Variants in CTNNAL1 observed in about 807,000 individuals in gnomAD.
CTNNAL1 encodes alpha-catulin.
Under a neutral mutation model 93.6 loss-of-function variants are expected in CTNNAL1, and 69 were observed. The observed-to-expected ratio is 0.74, with a 90% CI of 0.61 to 0.90. The LOEUF (loss-of-function observed/expected upper bound fraction) is 0.90, where lower values mean the gene tolerates loss of function less well. Among genes scored for constraint, CTNNAL1 ranks in the 40% least tolerant of loss-of-function variants. CTNNAL1 has a pLI of 0.00. For missense variants in CTNNAL1, 836 were observed against 862.0 expected (o/e 0.97, Z 0.38); for synonymous variants, 286 against 305.4 (o/e 0.94, Z 0.66).
chr9:108,989,288 A>G (rs775766974), intron 4 of CTNNAL1, among the ~76,000 whole-genome samples: 3 of 152,220 alleles, frequency 2.0e-5, no homozygotes, highest in Admixed American at 6.5e-5. Flanking sequence ...AAAATGCTAG[A>G]TTATAAGCTA....
chr9:108,972,864 G>GGGGC, intron 8 of CTNNAL1, 31 bp from the exon 9 acceptor site: 1 of 142,584 alleles, frequency 7.0e-6, no homozygotes, highest in Non-Finnish European at 1.0e-5. Context: ...GGGGGGGTGG[G>GGGGC]AGGGTGGAGA....
intron 4 of CTNNAL1, among the ~76,000 whole-genome samples, chr9:108,984,760 C>T (rs1831551992): frequency 6.6e-6 from 1 of 152,180 alleles, no homozygotes; most frequent in Admixed American, 6.5e-5. Context: ...GCGTCCTAAC[C>T]AGAAACACCC....
At chr9:108,982,371 T>C (rs1831458356) in intron 6 of CTNNAL1, among the ~76,000 whole-genome samples, 1 of 152,210 alleles carries the variant, frequency 6.6e-6, no homozygotes, top group South Asian at 2.1e-4. Flanking sequence ...ACTGTTAGTG[T>C]GTATTACTGT....
chr9:108,955,411 T>C (rs578028557), intron 12 of CTNNAL1, among the ~76,000 whole-genome samples: 1 of 152,340 alleles, frequency 6.6e-6, no homozygotes, highest in Non-Finnish European at 1.5e-5. Context: ...AGAAAGCATA[T>C]GAAAGTCCTT....
chr9:108,963,689 CTGGGCTGATGTCA>C (rs1830878597), intron 11 of CTNNAL1: 1 of 152,322 alleles, frequency 6.6e-6, no homozygotes, highest in Non-Finnish European at 1.5e-5. Flanking sequence ...AGCCTCCCTA[CTGGGCTGATGTCA>C]TGGGCTGATG....
intron 15 of CTNNAL1, among the ~76,000 whole-genome samples, chr9:108,947,164 A>C (rs1830430976): frequency 7.0e-6 from 1 of 142,674 alleles, no homozygotes. Context: ...CCCAGACTGG[A>C]GTGCAGTGGC....
At chr9:109,004,240 A>G (rs1826943947) in intron 1 of CTNNAL1, among the ~76,000 whole-genome samples, 1 of 152,196 alleles carries the variant, frequency 6.6e-6, no homozygotes, top group Non-Finnish European at 1.5e-5. Flanking sequence ...AGAGTCAGAC[A>G]TTTCAATTCT....
intron 8 of CTNNAL1, among the ~76,000 whole-genome samples, chr9:108,976,623 G>T (rs1175751763): frequency 1.3e-5 from 2 of 151,860 alleles, no homozygotes; most frequent in Non-Finnish European, 2.9e-5. Flanking sequence ...CTTGAGCCCT[G>T]GGGATCAGGT....
At chr9:109,000,679 A>G (rs1008453339) in intron 1 of CTNNAL1, among the ~76,000 whole-genome samples, 1 of 151,380 alleles carries the variant, frequency 6.6e-6, no homozygotes, top group Admixed American at 6.6e-5. Context: ...GATAAAGAGC[A>G]TTCTAGGAGA....
chr9:108,982,223 C>T (rs1831453648), intron 6 of CTNNAL1, among the ~76,000 whole-genome samples: 2 of 152,116 alleles, frequency 1.3e-5, no homozygotes, highest in African/African-American at 2.4e-5. Flanking sequence ...ACTTAGTAGC[C>T]AGCAAGTTAA....
At chr9:108,993,452 C>T (rs150952841) in intron 2 of CTNNAL1, among the ~76,000 whole-genome samples, 66 of 152,290 alleles carry the variant, frequency 4.3e-4, no homozygotes, top group Admixed American at 1.3e-3. Flanking sequence ...AAAACAAAAG[C>T]CTCCCTCCTG....
chr9:108,995,060 A>T (rs1831966467), intron 2 of CTNNAL1, among the ~76,000 whole-genome samples: 1 of 152,196 alleles, frequency 6.6e-6, no homozygotes, highest in African/African-American at 2.4e-5. Context: ...CCACCCAGTG[A>T]AGCCACTCCC....
chr9:108,979,912 A>G (rs993686785), intron 6 of CTNNAL1, among the ~76,000 whole-genome samples: 2 of 152,220 alleles, frequency 1.3e-5, no homozygotes, highest in Admixed American at 1.3e-4. Context: ...GTGGGGTGTG[A>G]GAAGCACTGG....
At chr9:108,944,592 G>C (rs1302731948) in intron 15 of CTNNAL1, among the ~76,000 whole-genome samples, 1 of 152,142 alleles carries the variant, frequency 6.6e-6, no homozygotes, top group Non-Finnish European at 1.5e-5. Flanking sequence ...TGGAGAAGTA[G>C]AGTGAAAAAG....
At chr9:108,954,834 G>A (rs1237490562) in intron 12 of CTNNAL1, among the ~76,000 whole-genome samples, 1 of 151,426 alleles carries the variant, frequency 6.6e-6, no homozygotes, top group African/African-American at 2.4e-5. Context: ...ACACCATCAA[G>A]CATTCCCACT....
intron 12 of CTNNAL1, among the ~76,000 whole-genome samples, chr9:108,953,818 AC>A (rs34466277): frequency 0.13 from 19,090 of 152,032 alleles, 1,549 homozygotes; most frequent in Middle Eastern, 0.18. Context: ...ACACATGCAC[AC>A]ACACAGAGAG....
At position 109,007,790 on chromosome 9, in the gene CTNNAL1, C is replaced by A. The variant is rs1468909894; in HGVS notation, c.141+5512G>T. ...AGAACAATGTCAGTATCTCTGACAG[C>A]CCATGTACTATCTGGCTACTCCTTG... On this transcript the variant is annotated intron_variant, in intron 1 of 18. Coordinates refer to ENST00000325551, the MANE Select transcript of CTNNAL1 (RefSeq NM_003798.4). Among the ~76,000 whole-genome samples, 3 of 152,282 alleles carry A rather than the reference C, an allele frequency of 2.0e-5. No homozygotes were observed. In the East Asian group the frequency reaches 5.8e-4, roughly 29 times the overall value.
intron 14 of CTNNAL1, chr9:108,950,431 T>C (rs1830527315): frequency 6.9e-7 from 1 of 1,459,192 alleles, no homozygotes; most frequent in Non-Finnish European, 9.2e-7. Flanking sequence ...ATGGAAAATA[T>C]GATAAGGTAC....
intron 12 of CTNNAL1, among the ~76,000 whole-genome samples, chr9:108,954,826 A>G (rs1830651158): frequency 6.9e-6 from 1 of 145,796 alleles, no homozygotes; most frequent in Non-Finnish European, 1.5e-5. Flanking sequence ...CTTCCCCTAC[A>G]CCATCAAGCA....
Sources: gnomAD v4.1 joint callset for allele counts (sites outside exome capture counted in the v4.1 genomes callset) on GRCh38, gnomAD v4.1.1 for gene constraint, MANE v1.5 for transcripts, NCBI Gene and HGNC (gene_info 2026-07-23, HGNC 2026-07-21) for gene names.